Variants in COMMD1 observed in about 807,000 individuals in gnomAD.
COMMD1 encodes COMM domain-containing protein 1.
COMMD1 carries 10 observed loss-of-function variants against 17.2 expected under a neutral mutation model. The ratio of observed to expected loss-of-function variants is 0.58; its 90% CI spans 0.36 to 0.99. COMMD1 has a LOEUF of 0.99. Among genes scored for constraint, COMMD1 ranks in the 50% least tolerant of loss-of-function variants. The probability of loss-of-function intolerance (pLI) is 0.01; values close to 1 mark genes in which losing one functional copy is unlikely to be tolerated. For synonymous variants in COMMD1, 97 were observed against 91.6 expected (o/e 1.06, Z -0.34); for missense variants, 270 against 231.8 (o/e 1.17, Z -1.07).
chr2:62,014,113 T>C (rs530695729), intron 2 of COMMD1, among the ~76,000 whole-genome samples: 1 of 152,322 alleles, frequency 6.6e-6, no homozygotes, highest in South Asian at 2.1e-4. Flanking sequence ...TGCAGATTCA[T>C]TGACCCTGTG....
intron 1 of COMMD1, among the ~76,000 whole-genome samples, chr2:61,939,636 C>T (rs1670689287): frequency 6.6e-6 from 1 of 152,158 alleles, no homozygotes; most frequent in Admixed American, 6.5e-5. Flanking sequence ...ATGCAAATAA[C>T]TATATTGTCA....
In COMMD1 at chr2:62,068,710, C is replaced by G. The variant is rs905598261; in HGVS notation, c.463-67121C>G. 2.7e-5 allele frequency among the ~76,000 whole-genome samples: 4 copies of G among 150,574 alleles called. No homozygotes were observed. The Admixed American group carries it at 2.7e-4, about 10-fold the overall frequency. ...CGCGATCTCGGCTCACTGTAACCTCCGTCTCCTGGGTTCAAGTGATTCTCC... is the reference window on the plus strand; with the variant it reads ...CGCGATCTCGGCTCACTGTAACCTCGGTCTCCTGGGTTCAAGTGATTCTCC... On this transcript the variant is annotated intron_variant, in intron 2 of 2. Transcript: ENST00000311832.
intron 1 of COMMD1, among the ~76,000 whole-genome samples, chr2:61,940,639 G>A (rs1049756346): frequency 6.6e-6 from 1 of 151,896 alleles, no homozygotes; most frequent in African/African-American, 2.4e-5. Context: ...CCAGTCTAGG[G>A]CAAATAGTGA....
chr2:61,905,676 A>C lies in COMMD1; in HGVS notation c.-3A>C. 1.3e-6 allele frequency: 2 copies of C among 1,553,028 alleles called. No individual in the cohort carries two copies. The highest frequency in any genetic ancestry group is 1.7e-6 in the Non-Finnish European group (2 of 1,145,970). On this transcript the variant is annotated 5_prime_UTR_variant, in exon 1 of 3. Transcript: ENST00000311832. ...CTGTTGCGGGGCGGGGCCTTCGCAGAGCATGGCGGCGGGCGAGCTTGAGGG... is the reference window on the plus strand; with the variant it reads ...CTGTTGCGGGGCGGGGCCTTCGCAGCGCATGGCGGCGGGCGAGCTTGAGGG...
chr2:61,944,454 A>T (rs764505845), intron 1 of COMMD1, among the ~76,000 whole-genome samples: 5 of 152,076 alleles, frequency 3.3e-5, no homozygotes, highest in Non-Finnish European at 5.9e-5. Flanking sequence ...CTGTCTCAAA[A>T]AAAAAGAAAA....
intron 2 of COMMD1, among the ~76,000 whole-genome samples, chr2:62,018,803 C>G (rs1440754911): frequency 2.6e-5 from 4 of 152,100 alleles, no homozygotes; most frequent in African/African-American, 9.7e-5. Flanking sequence ...ATACCTGAGC[C>G]TGGATAATTT....
chr2:62,017,331 C>G lies in COMMD1; in HGVS notation c.462+16349C>G, dbSNP rs148205760. ...CCTGTGATACTGGCCTCCGTCCACA[C>G]ACACACTTCTTAGTCTAAAGAAAAC... On this transcript the variant is annotated intron_variant, in intron 2 of 2. Transcript: ENST00000311832. 4.9e-4 allele frequency among the ~76,000 whole-genome samples: 75 copies of G among 152,284 alleles called. No individual in the cohort carries two copies. The East Asian group carries it at 0.014, about 29-fold the overall frequency.
At chr2:62,063,710 G>C (rs1039854920) in intron 2 of COMMD1, among the ~76,000 whole-genome samples, 3 of 151,586 alleles carry the variant, frequency 2.0e-5, no homozygotes, top group African/African-American at 4.8e-5. Flanking sequence ...AACAAAAACA[G>C]TGTGGGCCTT....
chr2:62,009,623 G>C (rs1386588950), intron 2 of COMMD1, among the ~76,000 whole-genome samples: 2 of 145,666 alleles, frequency 1.4e-5, no homozygotes. Flanking sequence ...AAAAAAGAAA[G>C]AATAAGAAAT....
chr2:61,961,469 G>A (rs139377573), intron 1 of COMMD1, among the ~76,000 whole-genome samples: 2 of 152,184 alleles, frequency 1.3e-5, no homozygotes, highest in African/African-American at 2.4e-5. Flanking sequence ...CTGTCCAGGC[G>A]TGCCAGAGCA....
chr2:62,012,649 T>C (rs923251798), intron 2 of COMMD1, among the ~76,000 whole-genome samples: 2 of 152,096 alleles, frequency 1.3e-5, no homozygotes, highest in African/African-American at 2.4e-5. Flanking sequence ...AAGTCCCTAG[T>C]GATTGCCATT....
At chr2:62,048,126 T>C (rs921849486) in intron 2 of COMMD1, among the ~76,000 whole-genome samples, 24 of 152,108 alleles carry the variant, frequency 1.6e-4, no homozygotes, top group African/African-American at 5.8e-4. Context: ...AGCTGCCCAG[T>C]TGACAGACTA....
chr2:62,014,215 C>G (rs1669368640), intron 2 of COMMD1, among the ~76,000 whole-genome samples: 1 of 152,148 alleles, frequency 6.6e-6, no homozygotes, highest in Non-Finnish European at 1.5e-5. Flanking sequence ...TTCAGCTGTT[C>G]AGGCTGTCTG....
chr2:61,916,544 CCT>C (rs1558520315), intron 1 of COMMD1, among the ~76,000 whole-genome samples: 2 of 152,040 alleles, frequency 1.3e-5, no homozygotes, highest in African/African-American at 2.4e-5. Context: ...ACTTCAGCCC[CCT>C]GAGTGGCTGG....
chr2:62,063,155 TGCAGTGAGCCGAGATC>T (rs1670917729), intron 2 of COMMD1, among the ~76,000 whole-genome samples: 2 of 152,030 alleles, frequency 1.3e-5, no homozygotes, highest in African/African-American at 4.8e-5. Flanking sequence ...AGGCGGAGAT[TGCAGTGAGCCGAGATC>T]GCACCACTGC....
intron 1 of COMMD1, among the ~76,000 whole-genome samples, chr2:61,948,994 C>T (rs1572992520): frequency 1.3e-5 from 2 of 152,156 alleles, no homozygotes; most frequent in African/African-American, 2.4e-5. Flanking sequence ...GTGCTGGGCA[C>T]GGTGTCTTTG....
At chr2:61,889,657 T>G (rs947595465) in intron 1 of COMMD1, among the ~76,000 whole-genome samples, 1 of 151,434 alleles carries the variant, frequency 6.6e-6, no homozygotes, top group African/African-American at 2.4e-5. Context: ...TGAAAGGGAG[T>G]CAGAAAAGGG....
intron 2 of COMMD1, among the ~76,000 whole-genome samples, chr2:62,125,453 TTGCAGTATGA>T (rs1558610045): frequency 1.3e-5 from 2 of 152,214 alleles, no homozygotes; most frequent in African/African-American, 4.8e-5. Context: ...GCGTTGTGAT[TTGCAGTATGA>T]TTTTTTTTCT....
chr2:62,075,482 A>T (rs1671314027), intron 2 of COMMD1, among the ~76,000 whole-genome samples: 2 of 152,170 alleles, frequency 1.3e-5, no homozygotes, highest in African/African-American at 4.8e-5. Context: ...CCCATCTATA[A>T]TGTATCACCC....
Sources: allele counts gnomAD v4.1 joint callset (sites outside exome capture counted in the v4.1 genomes callset), GRCh38; gene constraint gnomAD v4.1.1; transcripts MANE v1.5; gene names NCBI Gene and HGNC (gene_info 2026-07-23, HGNC 2026-07-21).